MFHAS1: variants seen among roughly 807,000 people sequenced by gnomAD.
The protein encoded by MFHAS1 is malignant fibrous histiocytoma-amplified sequence 1.
In MFHAS1, 50 loss-of-function variants were observed where a neutral mutation model predicts 70.4. The observed-to-expected ratio is 0.71, with a 90% CI of 0.57 to 0.90. The LOEUF (loss-of-function observed/expected upper bound fraction) is 0.90, where lower values mean the gene tolerates loss of function less well. MFHAS1 is among the 40% of genes least tolerant of loss of function. MFHAS1 has a pLI of 0.00. For missense variants in MFHAS1, 1,795 were observed against 1,347.6 expected, an observed-to-expected ratio of 1.33 and a Z score of -5.20; for synonymous variants, 952 against 620.0, an observed-to-expected ratio of 1.54 and a Z score of -7.96.
At chr8:8,846,007 G>A (rs1474413753) in intron 1 of MFHAS1, among the ~76,000 whole-genome samples, 1 of 152,114 alleles carries the variant, frequency 6.6e-6, no homozygotes, top group African/African-American at 2.4e-5. Context: ...ATTCCCAGCA[G>A]TTTGGGAGGC....
At chr8:8,805,254 C>G (rs1370288059) in intron 1 of MFHAS1, among the ~76,000 whole-genome samples, 1 of 152,168 alleles carries the variant, frequency 6.6e-6, no homozygotes, top group Non-Finnish European at 1.5e-5. Context: ...AATCAACACC[C>G]CAAGCAGTCA....
intron 1 of MFHAS1, among the ~76,000 whole-genome samples, chr8:8,823,564 T>C (rs145453803): frequency 5.3e-5 from 8 of 152,132 alleles, no homozygotes; most frequent in Non-Finnish European, 1.2e-4. Flanking sequence ...AAAATATATT[T>C]TCTACTTAAT....
intron 1 of MFHAS1, among the ~76,000 whole-genome samples, chr8:8,845,392 C>T (rs1479046939): frequency 1.3e-5 from 2 of 152,156 alleles, no homozygotes; most frequent in African/African-American, 4.8e-5. Flanking sequence ...ATTAGCATAT[C>T]ACAGAGCATA....
chr8:8,801,957 C>G (rs922864550), intron 1 of MFHAS1, among the ~76,000 whole-genome samples: 1 of 152,166 alleles, frequency 6.6e-6, no homozygotes, highest in African/African-American at 2.4e-5. Context: ...AGACGAAGGA[C>G]CCAGCAACTT....
chr8:8,789,678 C>A (rs1307267296), intron 2 of MFHAS1, among the ~76,000 whole-genome samples: 4 of 152,124 alleles, frequency 2.6e-5, no homozygotes, highest in Non-Finnish European at 5.9e-5. Context: ...GAGGGACTGC[C>A]CCTCCTAGGA....
Position 8,891,101 on chromosome 8 carries a change from G to GGGAAGA in MFHAS1, c.1952_1957dup (p.Phe652_Pro653insLeuPhe). 2 of 1,613,918 alleles carry GGGAAGA rather than the reference G, an allele frequency of 1.2e-6. No individual in the cohort carries two copies. Among genetic ancestry groups the GGGAAGA allele is most frequent in the Non-Finnish European group, 1.7e-6 (2 of 1,180,002 alleles). On this transcript the variant is annotated inframe_insertion, in exon 1 of 3. Transcript: ENST00000276282. The surrounding 1 kb of genome is among the most constrained non-coding windows in gnomAD (Gnocchi z 5.4). ...TCGAGGCAGTACTCTGTGTAAGTTGGGGAAGATCTCTCGGTGCTCAGCAAC... is the reference window on the plus strand; with the variant it reads ...TCGAGGCAGTACTCTGTGTAAGTTGGGGAAGAGGAAGATCTCTCGGTGCTCAGCAAC...
intron 1 of MFHAS1, among the ~76,000 whole-genome samples, chr8:8,856,527 G>A (rs775205684): frequency 4.9e-4 from 75 of 152,282 alleles, no homozygotes; most frequent in Non-Finnish European, 9.0e-4. Flanking sequence ...GAGGCTTTGG[G>A]ATCCACTGGT....
chr8:8,783,789 G>A lies in MFHAS1; in HGVS notation c.*2233C>T, dbSNP rs747060635. ...CTTTCCAGGTGCTGAAAGAGAAAACGGAATTTCTTGCATAGACAGCTGAAG... is the reference window on the plus strand; with the variant it reads ...CTTTCCAGGTGCTGAAAGAGAAAACAGAATTTCTTGCATAGACAGCTGAAG... On this transcript the variant is annotated 3_prime_UTR_variant, in exon 3 of 3. Coordinates refer to ENST00000276282, the MANE Select transcript of MFHAS1 (RefSeq NM_004225.3). 2.0e-5 allele frequency: 3 copies of A among 152,090 alleles called. No individual in the cohort carries two copies. Among genetic ancestry groups the A allele is most frequent in the East Asian group, 1.9e-4 (1 of 5,194 alleles). The allele number at this position is 152,090 out of a possible 1,614,324, so 9.4% of individuals were successfully genotyped here.
chr8:8,879,336 G>A (rs1042523928), intron 1 of MFHAS1, among the ~76,000 whole-genome samples: 23 of 151,952 alleles, frequency 1.5e-4, no homozygotes, highest in Non-Finnish European at 2.9e-5. Flanking sequence ...GGGTGGCAGA[G>A]AGAGACTCCC....
intron 1 of MFHAS1, among the ~76,000 whole-genome samples, chr8:8,878,604 A>G (rs921148146): frequency 1.3e-5 from 2 of 152,118 alleles, no homozygotes; most frequent in African/African-American, 2.4e-5. Flanking sequence ...ACCCAGGCGA[A>G]ATATTTTTCT....
chr8:8,822,217 G>C (rs1193256674), intron 1 of MFHAS1: 1 of 152,354 alleles, frequency 6.6e-6, no homozygotes, highest in Admixed American at 6.5e-5. Flanking sequence ...TGGGGTGAGA[G>C]ATAGAATTAG....
At chr8:8,832,925 G>A (rs1807460263) in intron 1 of MFHAS1, among the ~76,000 whole-genome samples, 1 of 152,042 alleles carries the variant, frequency 6.6e-6, no homozygotes, top group South Asian at 2.1e-4. Flanking sequence ...CTTGAGACCG[G>A]GTAATTTATA....
chr8:8,892,255 C>A lies in MFHAS1; in HGVS notation c.804G>T (p.Gln268His). The A allele has an allele frequency of 6.2e-7, 1 of 1,612,188 alleles. No homozygotes were observed. Among genetic ancestry groups the A allele is most frequent in the South Asian group, 1.1e-5 (1 of 91,080 alleles). The change falls in exon 1 of 3, where the codon CAG becomes CAT. Residue 268 changes from glutamine (Q) to histidine (H), a missense_variant. By Grantham distance (24) the Gln-to-His change is conservative. Transcript: ENST00000276282. The surrounding 1 kb of genome is among the most constrained non-coding windows in gnomAD (Gnocchi z 4.7). ...DNNGLQALPA[Q>H]FSCLQRLKML... is the part of the protein sequence containing the mutation. The stretch of plus-strand genomic sequence containing the variant: ...TTTTGAGCCGCTGCAGGCAGCTGAA[C>A]TGGGCGGGCAGAGCCTGCAGCCCGT...
chr8:8,799,026 C>T (rs534238127), intron 1 of MFHAS1, among the ~76,000 whole-genome samples: 12 of 150,428 alleles, frequency 8.0e-5, no homozygotes, highest in South Asian at 2.1e-4. Flanking sequence ...CCAGCCTGGG[C>T]GACAGAGTGA....
At chr8:8,876,529 G>C (rs1308928356) in intron 1 of MFHAS1, among the ~76,000 whole-genome samples, 2 of 151,988 alleles carry the variant, frequency 1.3e-5, no homozygotes, top group Non-Finnish European at 2.9e-5. Context: ...CAGGTCAGCA[G>C]TTCGAGACCA....
At chr8:8,815,597 T>A (rs1433703735) in intron 1 of MFHAS1, among the ~76,000 whole-genome samples, 1 of 152,226 alleles carries the variant, frequency 6.6e-6, no homozygotes, top group Non-Finnish European at 1.5e-5. Context: ...TGGTTTTGAT[T>A]CACATTTTTC....
intron 2 of MFHAS1, among the ~76,000 whole-genome samples, 153 bp from the exon 3 acceptor site, chr8:8,786,208 G>C (rs1366324906): frequency 6.6e-6 from 1 of 152,134 alleles, no homozygotes; most frequent in African/African-American, 2.4e-5. Context: ...GTAAATGTCA[G>C]GCAACTTATG....
At chr8:8,884,914 A>G (rs577348683) in intron 1 of MFHAS1, among the ~76,000 whole-genome samples, 66 of 152,110 alleles carry the variant, frequency 4.3e-4, no homozygotes, top group Non-Finnish European at 6.9e-4. Context: ...TATTGCCCCA[A>G]TGCATTCCAA....
intron 1 of MFHAS1, among the ~76,000 whole-genome samples, chr8:8,828,307 G>C (rs1807240523): frequency 6.6e-6 from 1 of 152,240 alleles, no homozygotes; most frequent in Non-Finnish European, 1.5e-5. Flanking sequence ...GATATAGTTT[G>C]AACTTACACT....
Sources: allele counts gnomAD v4.1 joint callset (sites outside exome capture counted in the v4.1 genomes callset), GRCh38; gene constraint gnomAD v4.1.1; non-coding constraint Gnocchi (gnomAD v3.1); transcripts MANE v1.5; gene names NCBI Gene and HGNC (gene_info 2026-07-23, HGNC 2026-07-21).